Variants in FGF10 observed in about 807,000 individuals in gnomAD.
The protein encoded by FGF10 is FGF-10.
In FGF10, 2 loss-of-function variants were observed where a neutral mutation model predicts 19.8. That is an observed-to-expected ratio of 0.10 (90% CI 0.04 to 0.32). The LOEUF (loss-of-function observed/expected upper bound fraction) is 0.32. Ranked by LOEUF, FGF10 falls within the 10% of genes least tolerant of loss-of-function variation. The probability of loss-of-function intolerance (pLI) is 1.00; values close to 1 mark genes in which losing one functional copy is unlikely to be tolerated. For synonymous variants in FGF10, 112 were observed against 94.0 expected (o/e 1.19, Z -1.10); for missense variants, 191 against 246.3 (o/e 0.78, Z 1.50).
rs1354321158 is a variant in FGF10 at position 44,302,579 on chromosome 5, G to A, written c.*2416C>T. On this transcript the variant is annotated 3_prime_UTR_variant, in exon 3 of 3. Coordinates refer to ENST00000264664, the MANE Select transcript of FGF10 (RefSeq NM_004465.2). ...AAGGATGTCTCACTAGGTTTCTCAGGCCTGTCTAGAACTCCTGGACTCAAG... is the reference window on the plus strand; with the variant it reads ...AAGGATGTCTCACTAGGTTTCTCAGACCTGTCTAGAACTCCTGGACTCAAG... Among the ~76,000 whole-genome samples, 1 of 151,980 alleles carries A rather than the reference G, an allele frequency of 6.6e-6. No individual in the cohort carries two copies. Among genetic ancestry groups the A allele is most frequent in the Non-Finnish European group, 1.5e-5 (1 of 67,988 alleles).
intron 1 of FGF10, among the ~76,000 whole-genome samples, chr5:44,383,035 G>A (rs1742017466): frequency 6.6e-6 from 1 of 152,142 alleles, no homozygotes; most frequent in Admixed American, 6.5e-5. Context: ...AATATCATTT[G>A]CACTACAATG....
intron 1 of FGF10, among the ~76,000 whole-genome samples, chr5:44,359,413 C>T (rs1345879199): frequency 6.6e-6 from 1 of 151,486 alleles, no homozygotes; most frequent in Admixed American, 6.6e-5. Flanking sequence ...CATAGCATTC[C>T]AGGAAAATCA....
intron 2 of FGF10, among the ~76,000 whole-genome samples, chr5:44,309,674 T>A (rs962588811): frequency 6.6e-6 from 1 of 152,136 alleles, no homozygotes; most frequent in African/African-American, 2.4e-5. Context: ...TTAATTATTA[T>A]TACAATTGCA....
chr5:44,371,311 C>T (rs567323324), intron 1 of FGF10, among the ~76,000 whole-genome samples: 1 of 152,218 alleles, frequency 6.6e-6, no homozygotes, highest in East Asian at 1.9e-4. Context: ...AGAATACCCT[C>T]AACAGATGCG....
Position 44,314,605 on chromosome 5 carries a change from G to A in FGF10, c.326-4075C>T, listed in dbSNP as rs146178947. Among the ~76,000 whole-genome samples, 669 of 152,114 alleles carry A rather than the reference G, an allele frequency of 4.4e-3. 1 individual carries two copies. The highest frequency in any genetic ancestry group is 0.014 in the Middle Eastern group (4 of 294). On this transcript the variant is annotated intron_variant, in intron 1 of 2. Coordinates refer to ENST00000264664, the MANE Select transcript of FGF10 (RefSeq NM_004465.2). Reference sequence around the variant, plus strand: ...AAATAACTTAGAAGTCACAATTTTCGTGTAAATGCATTTTTTTCTTTTAAT... The same window carrying A: ...AAATAACTTAGAAGTCACAATTTTCATGTAAATGCATTTTTTTCTTTTAAT...
chr5:44,378,530 C>T (rs1035286334), intron 1 of FGF10, among the ~76,000 whole-genome samples: 1 of 152,162 alleles, frequency 6.6e-6, no homozygotes, highest in Non-Finnish European at 1.5e-5. Context: ...CTCCCGGGTT[C>T]ACACCATTCT....
chr5:44,351,691 T>A (rs1168207117), intron 1 of FGF10, among the ~76,000 whole-genome samples: 1 of 151,618 alleles, frequency 6.6e-6, no homozygotes, highest in East Asian at 1.9e-4. Context: ...CTTTCTATAC[T>A]AACATTTCTA....
At chr5:44,332,166 G>T (rs1740749008) in intron 1 of FGF10, among the ~76,000 whole-genome samples, 1 of 152,060 alleles carries the variant, frequency 6.6e-6, no homozygotes, top group South Asian at 2.1e-4. Context: ...TAGGGATTTT[G>T]TTGGTAGAAG....
At chr5:44,339,122 T>TTA (rs1284911848) in intron 1 of FGF10, among the ~76,000 whole-genome samples, 5 of 152,200 alleles carry the variant, frequency 3.3e-5, no homozygotes, top group Non-Finnish European at 7.4e-5. Context: ...TTATGAAAAT[T>TTA]TCCAAAATAT....
rs17227653 is a variant in FGF10, at chr5:44,363,475, A to T, written c.325+24883T>A. 3.5e-3 allele frequency among the ~76,000 whole-genome samples: 537 copies of T among 152,012 alleles called. 26 individuals carry two copies. In the East Asian group the frequency reaches 0.094, roughly 27 times the overall value. ...TTTCAAAACATAGATTGGAAAATTT[A>T]AAGACATTTCAAAGCTTTATGCTCT... On this transcript the variant is annotated intron_variant, in intron 1 of 2. Coordinates refer to ENST00000264664, the MANE Select transcript of FGF10 (RefSeq NM_004465.2).
chr5:44,307,585 G>C (rs1298904633), intron 2 of FGF10, among the ~76,000 whole-genome samples: 2 of 152,132 alleles, frequency 1.3e-5, no homozygotes. Context: ...CAAGAGAATA[G>C]ATATAAAACT....
At chr5:44,376,497 A>AAAAAAAAAAC in intron 1 of FGF10, among the ~76,000 whole-genome samples, 1 of 108,888 alleles carries the variant, frequency 9.2e-6, no homozygotes, top group South Asian at 2.8e-4. Context: ...TGCCAAAAAA[A>AAAAAAAAAAC]AAAAAAAAAA....
chr5:44,349,428 A>T (rs1180327742), intron 1 of FGF10, among the ~76,000 whole-genome samples: 3 of 23,946 alleles, frequency 1.3e-4, no homozygotes, highest in South Asian at 2.3e-3. Flanking sequence ...TTCTTTATAT[A>T]TATATATATA....
intron 1 of FGF10, among the ~76,000 whole-genome samples, chr5:44,351,242 C>A (rs1483820596): frequency 6.6e-6 from 1 of 151,442 alleles, no homozygotes; most frequent in African/African-American, 2.4e-5. Context: ...AAACACATGA[C>A]AGTATGTGTC....
intron 1 of FGF10, among the ~76,000 whole-genome samples, chr5:44,317,757 A>AT (rs1740383297): frequency 6.6e-6 from 1 of 151,844 alleles, no homozygotes; most frequent in African/African-American, 2.4e-5. Flanking sequence ...ACTGGTAGAG[A>AT]TTTTTTAAAT....
chr5:44,344,405 G>A (rs1741036846), intron 1 of FGF10, among the ~76,000 whole-genome samples: 1 of 151,808 alleles, frequency 6.6e-6, no homozygotes, highest in South Asian at 2.1e-4. Flanking sequence ...AAAACCACAA[G>A]ATGTGTCATT....
intron 1 of FGF10, among the ~76,000 whole-genome samples, chr5:44,358,738 GA>G (rs750232684): frequency 2.4e-4 from 37 of 151,488 alleles, no homozygotes; most frequent in Non-Finnish European, 7.4e-5. Flanking sequence ...ATTTCATGAA[GA>G]ATCTGTGATT....
chr5:44,323,793 A>G (rs1740551032), intron 1 of FGF10, among the ~76,000 whole-genome samples: 1 of 152,146 alleles, frequency 6.6e-6, no homozygotes. Flanking sequence ...AAAAATGCTT[A>G]CATTGTTTTA....
At chr5:44,305,249 G>A (rs2111667599) in intron 2 of FGF10, 57 bp from the exon 3 acceptor site, 1 of 1,520,370 alleles carries the variant, frequency 6.6e-7, no homozygotes, top group Non-Finnish European at 9.1e-7. Flanking sequence ...GATTTCATTT[G>A]ATACAAGCCA....
Sources: gnomAD v4.1 joint callset for allele counts (sites outside exome capture counted in the v4.1 genomes callset) on GRCh38, gnomAD v4.1.1 for gene constraint, MANE v1.5 for transcripts, NCBI Gene and HGNC (gene_info 2026-07-23, HGNC 2026-07-21) for gene names.